The following MYO1E variants were observed in gnomAD, a reference collection of about 807,000 sequenced individuals.
MYO1E encodes unconventional myosin-Ie.
A neutral mutation model predicts 151.1 loss-of-function variants in MYO1E; 68 were observed. The observed-to-expected ratio is 0.45, with a 90% CI of 0.37 to 0.55. The LOEUF (loss-of-function observed/expected upper bound fraction) is 0.55. MYO1E is among the 20% of genes least tolerant of loss of function. The pLI is 0.00. For missense variants in MYO1E, 1,363 were observed against 1,389.3 expected (o/e 0.98, Z 0.30); for synonymous variants, 601 against 501.7 (o/e 1.20, Z -2.64).
intron 26 of MYO1E, among the ~76,000 whole-genome samples, chr15:59,145,050 T>G (rs2079433567): frequency 6.6e-6 from 1 of 151,264 alleles, no homozygotes; most frequent in African/African-American, 2.4e-5. Flanking sequence ...TCCATGTTGG[T>G]CAGGCTGGTC....
chr15:59,348,900 G>A (rs2080808677), intron 1 of MYO1E: 1 of 152,236 alleles, frequency 6.6e-6, no homozygotes, highest in Admixed American at 6.5e-5. Flanking sequence ...CAAAGTGCTG[G>A]GATTATAGGC....
At chr15:59,360,740 C>T (rs907205040) in intron 1 of MYO1E, among the ~76,000 whole-genome samples, 2 of 152,178 alleles carry the variant, frequency 1.3e-5, no homozygotes, top group Admixed American at 6.5e-5. Flanking sequence ...CTTGGGAAAG[C>T]AGCAGCAGAC....
chr15:59,370,363 C>T (rs1329945090), intron 1 of MYO1E, among the ~76,000 whole-genome samples: 1 of 152,208 alleles, frequency 6.6e-6, no homozygotes, highest in East Asian at 1.9e-4. Context: ...ACATAATGAA[C>T]AATTTTTCAA....
rs1413876820 is a variant in MYO1E at position 59,222,169 on chromosome 15, T to TA, written c.910+889dup. ...TTTATCAGAAAAGAAAACAAAAACA[T>TA]AAAAAAAGAACCTTATTTGGAATGG... On this transcript the variant is annotated intron_variant, in intron 9 of 27. Transcript: ENST00000288235. Among the ~76,000 whole-genome samples, 6 of 152,220 alleles carry TA rather than the reference T, an allele frequency of 3.9e-5. No individual in the cohort carries two copies. The East Asian group carries it at 1.2e-3, about 29-fold the overall frequency.
intron 1 of MYO1E, among the ~76,000 whole-genome samples, chr15:59,372,264 G>A (rs114149011): frequency 1.1e-3 from 167 of 152,262 alleles, no homozygotes; most frequent in African/African-American, 3.8e-3. Context: ...GCCACAGAAA[G>A]TTTCGCGACG....
At chr15:59,291,486 A>G (rs2080418219) in intron 1 of MYO1E, among the ~76,000 whole-genome samples, 1 of 152,100 alleles carries the variant, frequency 6.6e-6, no homozygotes, top group South Asian at 2.1e-4. Context: ...AAACAAACAA[A>G]CAAAAGCACA....
chr15:59,189,373 C>T (rs999151493), intron 17 of MYO1E, among the ~76,000 whole-genome samples: 3 of 152,044 alleles, frequency 2.0e-5, no homozygotes, highest in Non-Finnish European at 2.9e-5. Context: ...TCTTCCTTTC[C>T]TTTCCCTTCA....
At chr15:59,363,690 T>A (rs1286377490) in intron 1 of MYO1E, among the ~76,000 whole-genome samples, 1 of 152,200 alleles carries the variant, frequency 6.6e-6, no homozygotes, top group Non-Finnish European at 1.5e-5. Flanking sequence ...ACACTGGTGC[T>A]AGAATGAAAT....
In MYO1E at chr15:59,135,135, G is replaced by A. The variant is rs565079398; in HGVS notation, c.*2245C>T. On this transcript the variant is annotated 3_prime_UTR_variant, in exon 28 of 28. Transcript: ENST00000288235. ...TTACCTATTTCAGCACCATTTGTTG[G>A]GCATCTCCTTGAGCCTGGCACTGGC... is the stretch of plus-strand genomic sequence containing the variant. 6.6e-6 allele frequency: 1 copy of A among 152,100 alleles called. No homozygotes were observed. The highest frequency in any genetic ancestry group is 1.5e-5 in the Non-Finnish European group (1 of 68,050). 9.4% of individuals were successfully genotyped at this position (152,100 alleles called of 1,614,324 possible).
intron 26 of MYO1E, 133 bp from the exon 27 acceptor site, chr15:59,138,500 C>G: frequency 1.1e-6 from 1 of 950,694 alleles, no homozygotes; most frequent in Non-Finnish European, 1.6e-6. Flanking sequence ...AGACATGTGG[C>G]CCAGGGTGCA....
At chr15:59,175,242 A>G (rs1317195905) in intron 19 of MYO1E, among the ~76,000 whole-genome samples, 1 of 152,230 alleles carries the variant, frequency 6.6e-6, no homozygotes, top group Non-Finnish European at 1.5e-5. Flanking sequence ...CACTTGTAAA[A>G]TAGTAGGAAA....
rs115961471 is a variant in MYO1E at position 59,231,830 on chromosome 15, A to G, written c.421-39T>C. ...TAGACCGGAGGTTAGGAAGGTGTGA[A>G]CACCTACCACACAGTGTACGCCAAA... On this transcript the variant is annotated intron_variant, in intron 5 of 27. Coordinates refer to ENST00000288235, the MANE Select transcript of MYO1E (RefSeq NM_004998.4). 9,362 of 1,597,946 alleles carry G rather than the reference A, an allele frequency of 5.9e-3. 403 individuals carry two copies. In the African/African-American group the frequency reaches 0.099, roughly 17 times the overall value.
At position 59,160,079 on chromosome 15, in the gene MYO1E, G is replaced by T. The variant is rs573773137; in HGVS notation, c.2785+994C>A. 2.0e-5 allele frequency among the ~76,000 whole-genome samples: 3 copies of T among 152,180 alleles called. No homozygotes were observed. The South Asian group carries it at 6.2e-4, about 32-fold the overall frequency. ...TCAAACTCCTGACCTCAGGTAGTCC[G>T]CCTGCCTCGGCCTCCCAAAGTGCAG... On this transcript the variant is annotated intron_variant, in intron 24 of 27. Coordinates refer to ENST00000288235, the MANE Select transcript of MYO1E (RefSeq NM_004998.4).
At chr15:59,272,480 T>C (rs756304446) in intron 1 of MYO1E, 31 bp from the exon 2 acceptor site, 16 of 1,612,352 alleles carry the variant, frequency 9.9e-6, no homozygotes, top group Admixed American at 3.3e-5. Flanking sequence ...ATTACTAGGA[T>C]AGTTTGTTTT....
At chr15:59,291,711 AAG>A (rs1555417405) in intron 1 of MYO1E, among the ~76,000 whole-genome samples, 16,425 of 66,216 alleles carry the variant, frequency 0.25, 4,197 homozygotes, top group Middle Eastern at 0.33. Context: ...AAAAAAAAAA[AAG>A]AGAGAGAGAG....
rs1344963277 is a variant in MYO1E, at chr15:59,171,971, G to A, written c.2406C>T (p.Gly802=). The change falls in exon 22 of 28, where the codon GGC becomes GGT. Residue 802 remains glycine (G), a synonymous_variant. Coordinates refer to ENST00000288235, the MANE Select transcript of MYO1E (RefSeq NM_004998.4). ...CTTCTTTCACCAGGCCCTTGTCTGG[G>A]CCCTGTTTGACTTTTTCTCGTCCGA... is the stretch of plus-strand genomic sequence containing the variant. ...YLIGREKVKQ[G]PDKGLVKEVL... 1 of 1,614,186 alleles carries A rather than the reference G, an allele frequency of 6.2e-7. No individual in the cohort carries two copies. Among genetic ancestry groups the A allele is most frequent in the African/African-American group, 1.3e-5 (1 of 75,050 alleles).
intron 4 of MYO1E, among the ~76,000 whole-genome samples, chr15:59,237,290 T>C (rs1231848416): frequency 6.6e-6 from 1 of 152,214 alleles, no homozygotes; most frequent in African/African-American, 2.4e-5. Flanking sequence ...GTGCCTTGAA[T>C]TGATGCAAGC....
At chr15:59,275,330 T>G (rs1204521430) in intron 1 of MYO1E, among the ~76,000 whole-genome samples, 1 of 152,186 alleles carries the variant, frequency 6.6e-6, no homozygotes, top group Non-Finnish European at 1.5e-5. Flanking sequence ...AAAGTTATTT[T>G]TGATTTGATA....
At chr15:59,208,439 T>C (rs1366722646) in intron 14 of MYO1E, 3 of 601,372 alleles carry the variant, frequency 5.0e-6, no homozygotes, top group Non-Finnish European at 9.0e-6. Flanking sequence ...TGCTGGTTTA[T>C]ACCTATGTTC....
Sources: gnomAD v4.1 joint callset for allele counts (sites outside exome capture counted in the v4.1 genomes callset) on GRCh38, gnomAD v4.1.1 for gene constraint, MANE v1.5 for transcripts, NCBI Gene and HGNC (gene_info 2026-07-23, HGNC 2026-07-21) for gene names.